Variants in RBP2 observed in about 807,000 individuals in gnomAD.
RBP2 encodes the protein retinol binding protein 2.
In RBP2, 17 loss-of-function variants were observed where a neutral mutation model predicts 17.0. The observed-to-expected ratio is 1.00, with a 90% confidence interval of 0.68 to 1.50. The LOEUF is 1.50. Among genes scored for constraint, RBP2 ranks in the 40% most tolerant of loss-of-function variants. RBP2 has a pLI of 0.00. For missense variants in RBP2, 158 were observed against 168.2 expected (o/e 0.94, Z 0.33); for synonymous variants, 48 against 57.1 (o/e 0.84, Z 0.72).
intron 1 of RBP2, among the ~76,000 whole-genome samples, chr3:139,476,161 G>A (rs1466721171): frequency 1.3e-5 from 2 of 152,028 alleles, no homozygotes; most frequent in African/African-American, 2.4e-5. Flanking sequence ...GCCAGGCACT[G>A]TGCTAAGGCA....
chr3:139,467,355 A>C (rs1933400784), intron 1 of RBP2, among the ~76,000 whole-genome samples: 1 of 152,190 alleles, frequency 6.6e-6, no homozygotes, highest in African/African-American at 2.4e-5. Context: ...AAGAAATGCA[A>C]AATCTGGGGC....
intron 2 of RBP2, among the ~76,000 whole-genome samples, chr3:139,457,660 TCTG>T (rs1933020541): frequency 6.6e-6 from 1 of 152,212 alleles, no homozygotes; most frequent in Non-Finnish European, 1.5e-5. Context: ...CTCAATTTAA[TCTG>T]CTTTTAGTTG....
intron 1 of RBP2, among the ~76,000 whole-genome samples, chr3:139,471,834 T>C (rs994119615): frequency 2.6e-5 from 4 of 152,202 alleles, no homozygotes; most frequent in Non-Finnish European, 5.9e-5. Context: ...AACAACCTCT[T>C]TAGTTCTCTG....
intron 3 of RBP2, 43 bp downstream of exon 3, chr3:139,454,686 T>G: frequency 6.3e-7 from 1 of 1,585,248 alleles, no homozygotes; most frequent in Non-Finnish European, 8.7e-7. Context: ...CAGTAGCGTG[T>G]GTAAGCACAA....
At chr3:139,458,319 C>G (rs1285102677) in intron 2 of RBP2, among the ~76,000 whole-genome samples, 1 of 152,160 alleles carries the variant, frequency 6.6e-6, no homozygotes, top group Non-Finnish European at 1.5e-5. Context: ...GGCCCTTCCT[C>G]TGGCAGCGCC....
chr3:139,463,809 A>G (rs1447901046), intron 1 of RBP2, among the ~76,000 whole-genome samples: 1 of 152,216 alleles, frequency 6.6e-6, no homozygotes, highest in Non-Finnish European at 1.5e-5. Flanking sequence ...GCCAATTTAA[A>G]TCTTTAATAT....
At chr3:139,454,915 C>G in intron 2 of RBP2, 85 bp from the exon 3 acceptor site, 1 of 1,330,354 alleles carries the variant, frequency 7.5e-7, no homozygotes, top group South Asian at 1.2e-5. Flanking sequence ...ATTCCTGCAG[C>G]CATTTCAGGG....
intron 1 of RBP2, among the ~76,000 whole-genome samples, chr3:139,472,978 C>T (rs1933613918): frequency 6.6e-6 from 1 of 152,164 alleles, no homozygotes; most frequent in South Asian, 2.1e-4. Flanking sequence ...AACTCTCTCC[C>T]AGTATTCTTT....
intron 1 of RBP2, among the ~76,000 whole-genome samples, chr3:139,469,679 G>GTCTA (rs1384132893): frequency 2.2e-4 from 29 of 130,954 alleles, no homozygotes; most frequent in African/African-American, 6.8e-4. Flanking sequence ...CTGTCTGTCT[G>GTCTA]TCTGTCTGTC....
chr3:139,453,280 A>G (rs1943343138), intron 3 of RBP2, 114 bp from the exon 4 acceptor site: 3 of 1,166,830 alleles, frequency 2.6e-6, no homozygotes, highest in Non-Finnish European at 3.8e-6. Flanking sequence ...ACACTTAGGT[A>G]TTCTGGGCAA....
At chr3:139,466,736 C>G (rs1379959013) in intron 1 of RBP2, 1 of 152,210 alleles carries the variant, frequency 6.6e-6, no homozygotes, top group Non-Finnish European at 1.5e-5. Flanking sequence ...AGCCTGTGAT[C>G]ATGGCTCTGT....
At chr3:139,462,414 G>T in intron 1 of RBP2, 124 bp from the exon 2 acceptor site, 1 of 1,027,174 alleles carries the variant, frequency 9.7e-7, no homozygotes, top group Non-Finnish European at 1.5e-6. Flanking sequence ...CTTTGCTTAA[G>T]TGGGAAACAA....
intron 1 of RBP2, among the ~76,000 whole-genome samples, chr3:139,469,658 C>CGTCT (rs1933483147): frequency 7.2e-6 from 1 of 138,698 alleles, no homozygotes; most frequent in Non-Finnish European, 1.7e-5. Context: ...GAGCATCAGA[C>CGTCT]ATCTATCTGT....
chr3:139,473,156 A>G (rs976503179), intron 1 of RBP2, among the ~76,000 whole-genome samples: 1 of 152,210 alleles, frequency 6.6e-6, no homozygotes, highest in Admixed American at 6.5e-5. Flanking sequence ...CTCACTGTCA[A>G]GAAAGAATCT....
chr3:139,464,995 T>C (rs578017374), intron 1 of RBP2, among the ~76,000 whole-genome samples: 1 of 152,238 alleles, frequency 6.6e-6, no homozygotes, highest in Non-Finnish European at 1.5e-5. Flanking sequence ...CTACTTACTG[T>C]TAAAGTGCCT....
chr3:139,470,889 A>G (rs1933543367), intron 1 of RBP2, among the ~76,000 whole-genome samples: 1 of 151,952 alleles, frequency 6.6e-6, no homozygotes, highest in African/African-American at 2.4e-5. Context: ...ACCTGGCTTC[A>G]TGTTCTTGAA....
At chr3:139,476,322 C>G in intron 1 of RBP2, 65 bp downstream of exon 1, 1 of 1,401,688 alleles carries the variant, frequency 7.1e-7, no homozygotes, top group East Asian at 2.3e-5. Context: ...GCAGCACTGT[C>G]TGGAGGGCCA....
At chr3:139,459,223 G>A (rs948145778) in intron 2 of RBP2, among the ~76,000 whole-genome samples, 2 of 152,008 alleles carry the variant, frequency 1.3e-5, no homozygotes, top group African/African-American at 2.4e-5. Context: ...ACGTGTATAG[G>A]TGTTCACTCA....
At chr3:139,474,249 G>A (rs1298731519) in intron 1 of RBP2, among the ~76,000 whole-genome samples, 1 of 152,192 alleles carries the variant, frequency 6.6e-6, no homozygotes, top group Non-Finnish European at 1.5e-5. Context: ...GTAAGTTGAT[G>A]TGAAAAGAGT....
Sources: gnomAD v4.1 joint callset for allele counts (sites outside exome capture counted in the v4.1 genomes callset) on GRCh38, gnomAD v4.1.1 for gene constraint, MANE v1.5 for transcripts, NCBI Gene and HGNC (gene_info 2026-07-23, HGNC 2026-07-21) for gene names.